The following XKR4 variants were observed in gnomAD, a reference collection of about 807,000 sequenced individuals.
XKR4 encodes XK related 4.
XKR4 carries 12 observed loss-of-function variants against 53.9 expected under a neutral mutation model. That is an observed-to-expected ratio of 0.22 (90% CI 0.14 to 0.36). The LOEUF (loss-of-function observed/expected upper bound fraction) is 0.36, where lower values mean the gene tolerates loss of function less well. XKR4 is among the 10% of genes least tolerant of loss of function. XKR4 has a pLI of 1.00. For synonymous variants in XKR4, 354 were observed against 362.4 expected, an observed-to-expected ratio of 0.98 and a Z score of 0.26; for missense variants, 799 against 859.5, an observed-to-expected ratio of 0.93 and a Z score of 0.88.
intron 1 of XKR4, among the ~76,000 whole-genome samples, chr8:55,103,891 A>ATATATATC (rs1816100436): frequency 8.1e-6 from 1 of 123,170 alleles, no homozygotes; most frequent in African/African-American, 3.1e-5. Flanking sequence ...ATATATATAT[A>ATATATATC]TATCCCCGAG....
chr8:55,202,421 C>T lies in XKR4; in HGVS notation c.806+99127C>T, dbSNP rs1276783113. On this transcript the variant is annotated intron_variant, in intron 1 of 2. Transcript: ENST00000327381. ...TGAAAGGATGCCCTCACCAAGGGGCCCCTCCACAAACGTGGAATTCATCTT... is the reference window on the plus strand; with the variant it reads ...TGAAAGGATGCCCTCACCAAGGGGCTCCTCCACAAACGTGGAATTCATCTT... Among the ~76,000 whole-genome samples, 10 of 152,148 alleles carry T rather than the reference C, an allele frequency of 6.6e-5. No individual in the cohort carries two copies. The East Asian group carries it at 1.5e-3, about 23-fold the overall frequency.
At chr8:55,364,634 G>GT (rs549788066) in intron 2 of XKR4, among the ~76,000 whole-genome samples, 157 of 151,556 alleles carry the variant, frequency 1.0e-3, no homozygotes, top group Non-Finnish European at 1.5e-3. Flanking sequence ...GTTTTGTTGG[G>GT]GTTTTTTTTG....
chr8:55,475,552 G>C (rs2929028), intron 2 of XKR4, among the ~76,000 whole-genome samples: 114,507 of 151,642 alleles, frequency 0.76, 43,878 homozygotes, highest in African/African-American at 0.88. Context: ...GAATAGCTGG[G>C]ACTATAGGTG....
chr8:55,528,825 C>T lies in XKR4; in HGVS notation c.*4598C>T, dbSNP rs934742557. 1 of 151,998 alleles carries T rather than the reference C, an allele frequency of 6.6e-6. No individual in the cohort carries two copies. Among genetic ancestry groups the T allele is most frequent in the East Asian group, 1.9e-4 (1 of 5,186 alleles). 9.4% of individuals were successfully genotyped at this position (151,998 alleles called of 1,614,324 possible). A position where few individuals can be genotyped will look rare whatever the true frequency, so the allele number is the denominator to read the frequency against. ...CTTCTGACTCATAACACTCCTCCCACCTGATGCTCCAGTGTTTCAAAATGG... is the reference window on the plus strand; with the variant it reads ...CTTCTGACTCATAACACTCCTCCCATCTGATGCTCCAGTGTTTCAAAATGG... On this transcript the variant is annotated 3_prime_UTR_variant, in exon 3 of 3. Coordinates refer to ENST00000327381, the MANE Select transcript of XKR4 (RefSeq NM_052898.2).
chr8:55,353,632 G>T (rs1165133980), intron 1 of XKR4, among the ~76,000 whole-genome samples: 1 of 152,226 alleles, frequency 6.6e-6, no homozygotes, highest in Non-Finnish European at 1.5e-5. Flanking sequence ...CAAACAGGTT[G>T]CATATTCATG....
intron 1 of XKR4, among the ~76,000 whole-genome samples, chr8:55,190,244 C>T (rs1183172662): frequency 6.6e-6 from 1 of 152,102 alleles, no homozygotes; most frequent in Non-Finnish European, 1.5e-5. Context: ...ACCATCAAGC[C>T]CTGTGCTTCA....
chr8:55,186,895 TGG>T (rs1817385679), intron 1 of XKR4, among the ~76,000 whole-genome samples: 1 of 152,172 alleles, frequency 6.6e-6, no homozygotes, highest in Non-Finnish European at 1.5e-5. Flanking sequence ...AATAAGTGGC[TGG>T]TATCTAGGGA....
intron 2 of XKR4, among the ~76,000 whole-genome samples, chr8:55,488,000 T>C (rs1806219506): frequency 6.6e-6 from 1 of 152,256 alleles, no homozygotes; most frequent in African/African-American, 2.4e-5. Context: ...ATTTTAATCA[T>C]TCAGGATTGT....
chr8:55,113,062 T>C (rs1231637208), intron 1 of XKR4, among the ~76,000 whole-genome samples: 1 of 152,154 alleles, frequency 6.6e-6, no homozygotes, highest in African/African-American at 2.4e-5. Context: ...TGGGTTTCCT[T>C]ACCTCATCCT....
At chr8:55,483,887 G>GA (rs1198947334) in intron 2 of XKR4, among the ~76,000 whole-genome samples, 1 of 151,896 alleles carries the variant, frequency 6.6e-6, no homozygotes, top group Non-Finnish European at 1.5e-5. Flanking sequence ...GAAATGAAAT[G>GA]AAATGAAAAT....
At chr8:55,285,326 G>A (rs1563315262) in intron 1 of XKR4, among the ~76,000 whole-genome samples, 3 of 152,160 alleles carry the variant, frequency 2.0e-5, no homozygotes, top group Non-Finnish European at 4.4e-5. Context: ...GTAGGGAGGT[G>A]CAAGAGGAGG....
chr8:55,397,794 G>T (rs1804543905), intron 2 of XKR4, among the ~76,000 whole-genome samples: 1 of 152,040 alleles, frequency 6.6e-6, no homozygotes. Flanking sequence ...AAAAACCTCG[G>T]TGTCTTGGTC....
chr8:55,140,092 C>T (rs190668655), intron 1 of XKR4: 3 of 410,682 alleles, frequency 7.3e-6, no homozygotes, highest in African/African-American at 6.3e-5. Flanking sequence ...AACAGTACCT[C>T]TTAAGAGTTT....
chr8:55,299,446 G>A lies in XKR4; in HGVS notation c.807-58232G>A, dbSNP rs542603944. ...GGTCAGGTGCTGAAGGGTTTAGACC[G>A]TGAACTTGATTCTGAAAGCATTGGG... On this transcript the variant is annotated intron_variant, in intron 1 of 2. Transcript: ENST00000327381. 1.4e-4 allele frequency among the ~76,000 whole-genome samples: 22 copies of A among 152,308 alleles called. No individual in the cohort carries two copies. The South Asian group carries it at 3.5e-3, about 24-fold the overall frequency.
chr8:55,350,480 T>C (rs1436776938), intron 1 of XKR4, among the ~76,000 whole-genome samples: 2 of 152,182 alleles, frequency 1.3e-5, no homozygotes, highest in African/African-American at 4.8e-5. Flanking sequence ...AAAGTAAAGT[T>C]TGATACGAGC....
intron 2 of XKR4, among the ~76,000 whole-genome samples, chr8:55,448,956 C>G (rs1397326503): frequency 6.6e-6 from 1 of 152,028 alleles, no homozygotes. Flanking sequence ...CCTTACATAT[C>G]TAAAAGAGCA....
At chr8:55,112,299 G>A (rs1192684663) in intron 1 of XKR4, among the ~76,000 whole-genome samples, 2 of 152,106 alleles carry the variant, frequency 1.3e-5, no homozygotes, top group African/African-American at 4.8e-5. Context: ...GGCATTGTGT[G>A]GGGTGAGTAA....
intron 2 of XKR4, among the ~76,000 whole-genome samples, chr8:55,437,188 T>C (rs1029460759): frequency 1.3e-4 from 20 of 152,192 alleles, no homozygotes; most frequent in African/African-American, 4.8e-4. Context: ...TTTTCTTTTA[T>C]ATCTTTTTTA....
chr8:55,341,817 G>A (rs543670267), intron 1 of XKR4, among the ~76,000 whole-genome samples: 37 of 152,080 alleles, frequency 2.4e-4, no homozygotes, highest in Non-Finnish European at 4.4e-4. Context: ...CCCTGGGGCC[G>A]CCTGATGTAT....
Sources: allele counts gnomAD v4.1 joint callset (sites outside exome capture counted in the v4.1 genomes callset), GRCh38; gene constraint gnomAD v4.1.1; transcripts MANE v1.5; gene names NCBI Gene and HGNC (gene_info 2026-07-23, HGNC 2026-07-21).